ANK3: variants seen among roughly 807,000 people sequenced by gnomAD.
The protein encoded by ANK3 is ankyrin-3.
In ANK3, 57 loss-of-function variants were observed where a neutral mutation model predicts 370.9. The observed-to-expected ratio is 0.15, with a 90% CI of 0.12 to 0.19. The LOEUF (loss-of-function observed/expected upper bound fraction) is 0.19. Among genes scored for constraint, ANK3 ranks in the 10% least tolerant of loss-of-function variants. The pLI is 1.00. For missense variants in ANK3, 4,439 were observed against 5,302.1 expected, an observed-to-expected ratio of 0.84 and a Z score of 5.06; for synonymous variants, 1,929 against 1,946.3, an observed-to-expected ratio of 0.99 and a Z score of 0.23.
At chr10:60,088,652 C>T (rs921488895) in intron 28 of ANK3, among the ~76,000 whole-genome samples, 105 of 152,084 alleles carry the variant, frequency 6.9e-4, no homozygotes, top group African/African-American at 2.2e-3. Flanking sequence ...CTCGAACTCG[C>T]GACCTCCGGT....
At chr10:60,633,898 T>C (rs1220105706) in intron 1 of ANK3, among the ~76,000 whole-genome samples, 2 of 152,330 alleles carry the variant, frequency 1.3e-5, no homozygotes, top group African/African-American at 2.4e-5. Context: ...CTAAGAAATA[T>C]TGCCAATGCT....
chr10:60,732,766 C>T (rs1405622704), intron 1 of ANK3, among the ~76,000 whole-genome samples: 1 of 151,896 alleles, frequency 6.6e-6, no homozygotes, highest in Non-Finnish European at 1.5e-5. Flanking sequence ...CTTTCAGAGC[C>T]AGGTGATTTC....
chr10:60,125,447 T>C (rs192308210), intron 25 of ANK3, among the ~76,000 whole-genome samples: 1 of 152,298 alleles, frequency 6.6e-6, no homozygotes. Context: ...TGACCAATTG[T>C]TGAGAGGTGT....
chr10:60,355,636 T>C (rs981854110), intron 1 of ANK3, among the ~76,000 whole-genome samples: 1 of 152,144 alleles, frequency 6.6e-6, no homozygotes, highest in African/African-American at 2.4e-5. Flanking sequence ...TCTAACCTAC[T>C]CACAAAAGAC....
Position 60,141,947 on chromosome 10 carries a change from G to A in ANK3, c.2615-2860C>T, listed in dbSNP as rs528910527. 8.5e-5 allele frequency among the ~76,000 whole-genome samples: 13 copies of A among 152,276 alleles called. No individual in the cohort carries two copies. In the South Asian group the frequency reaches 2.7e-3, roughly 32 times the overall value. ...GGAACATATTGAAAACTATTCCCAA[G>A]CAGAGAATAATTTCCAACTCTAAAG... On this transcript the variant is annotated intron_variant, in intron 23 of 43. Coordinates refer to ENST00000280772, the MANE Select transcript of ANK3 (RefSeq NM_020987.5).
intron 2 of ANK3, among the ~76,000 whole-genome samples, chr10:60,582,635 G>T (rs141873985): frequency 3.3e-5 from 5 of 149,822 alleles, no homozygotes; most frequent in African/African-American, 9.8e-5. Context: ...GTTGGCTTCC[G>T]ATTCCTAAAA....
At chr10:60,133,541 A>G (rs1474195092) in intron 25 of ANK3, among the ~76,000 whole-genome samples, 1 of 152,236 alleles carries the variant, frequency 6.6e-6, no homozygotes, top group Non-Finnish European at 1.5e-5. Context: ...CTTTGAAGCT[A>G]AGGGAACAAA....
At chr10:60,287,064 T>C (rs1026717247) in intron 1 of ANK3, among the ~76,000 whole-genome samples, 2 of 152,166 alleles carry the variant, frequency 1.3e-5, no homozygotes, top group African/African-American at 4.8e-5. Flanking sequence ...TCCATTCTTA[T>C]ACTGGGGGCT....
chr10:60,422,192 A>G (rs2063792098), intron 2 of ANK3, among the ~76,000 whole-genome samples: 1 of 152,056 alleles, frequency 6.6e-6, no homozygotes, highest in Non-Finnish European at 1.5e-5. Context: ...CAAAGTTTCT[A>G]CCATTAATTA....
At chr10:60,715,296 C>A (rs533767002) in intron 1 of ANK3, among the ~76,000 whole-genome samples, 1 of 149,688 alleles carries the variant, frequency 6.7e-6, no homozygotes, top group South Asian at 2.1e-4. Context: ...GTTTGATTTA[C>A]CATTATAAAT....
intron 2 of ANK3, among the ~76,000 whole-genome samples, chr10:60,581,586 G>A (rs2077753917): frequency 6.6e-6 from 1 of 151,014 alleles, no homozygotes; most frequent in Non-Finnish European, 1.5e-5. Context: ...CACCATGCCT[G>A]GCTAATTATT....
At chr10:60,278,288 T>A (rs1010572771) in intron 4 of ANK3, among the ~76,000 whole-genome samples, 1 of 152,228 alleles carries the variant, frequency 6.6e-6, no homozygotes, top group Non-Finnish European at 1.5e-5. Flanking sequence ...CTATGACTAG[T>A]ATCTTTTATA....
Position 60,352,370 on chromosome 10 carries a change from G to C in ANK3, c.114+37055C>G, listed in dbSNP as rs148445073. Among the ~76,000 whole-genome samples, 321 of 152,284 alleles carry C rather than the reference G, an allele frequency of 2.1e-3. 1 individual carries two copies. Among genetic ancestry groups the C allele is most frequent in the African/African-American group, 7.3e-3 (302 of 41,566 alleles). ...TGTGATAATAAAGTCCTTGCTGAAGGTTTGCCTTTGGACTTCATTCACTCA... is the reference window on the plus strand; with the variant it reads ...TGTGATAATAAAGTCCTTGCTGAAGCTTTGCCTTTGGACTTCATTCACTCA... On this transcript the variant is annotated intron_variant, in intron 1 of 43. Transcript: ENST00000280772.
chr10:60,631,287 C>T (rs1360414968), intron 1 of ANK3, among the ~76,000 whole-genome samples: 3 of 151,928 alleles, frequency 2.0e-5, no homozygotes, highest in Non-Finnish European at 2.9e-5. Flanking sequence ...CCAGCACTTT[C>T]GCAGGCCAAG....
At chr10:60,334,764 AT>A (rs1480665531) in intron 1 of ANK3, among the ~76,000 whole-genome samples, 1 of 152,192 alleles carries the variant, frequency 6.6e-6, no homozygotes, top group Non-Finnish European at 1.5e-5. Flanking sequence ...CTAGTGATAA[AT>A]TTATTATAAC....
chr10:60,536,009 T>C (rs1312220757), intron 2 of ANK3, among the ~76,000 whole-genome samples: 1 of 152,102 alleles, frequency 6.6e-6, no homozygotes, highest in Non-Finnish European at 1.5e-5. Context: ...ATCAAATTAT[T>C]TTCTCTTTGA....
At chr10:60,708,614 G>A (rs573581326) in intron 1 of ANK3, among the ~76,000 whole-genome samples, 5 of 152,234 alleles carry the variant, frequency 3.3e-5, no homozygotes, top group Non-Finnish European at 7.3e-5. Context: ...TTTCCTCAAC[G>A]GAATCTGATT....
intron 2 of ANK3, among the ~76,000 whole-genome samples, chr10:60,586,812 G>C (rs946186344): frequency 6.6e-6 from 1 of 152,158 alleles, no homozygotes; most frequent in African/African-American, 2.4e-5. Flanking sequence ...TTAAAACGTA[G>C]GTATCTGTCC....
intron 17 of ANK3, among the ~76,000 whole-genome samples, chr10:60,182,190 T>G (rs1476337162): frequency 6.6e-6 from 1 of 152,114 alleles, no homozygotes; most frequent in African/African-American, 2.4e-5. Flanking sequence ...CACTGACATA[T>G]GCTGATAATA....
Sources: gnomAD v4.1 joint callset for allele counts (sites outside exome capture counted in the v4.1 genomes callset) on GRCh38, gnomAD v4.1.1 for gene constraint, MANE v1.5 for transcripts, NCBI Gene and HGNC (gene_info 2026-07-23, HGNC 2026-07-21) for gene names.